COL28A1: variants seen among roughly 807,000 people sequenced by gnomAD.
The protein encoded by COL28A1 is collagen type XXVIII alpha 1 chain.
A neutral mutation model predicts 150.2 loss-of-function variants in COL28A1; 161 were observed. The ratio of observed to expected loss-of-function variants is 1.07; its 90% CI spans 0.94 to 1.22. The LOEUF (loss-of-function observed/expected upper bound fraction) is 1.22, where lower values mean the gene tolerates loss of function less well. Among genes scored for constraint, COL28A1 ranks in the 50% most tolerant of loss-of-function variants. The probability of loss-of-function intolerance (pLI) is 0.00; values close to 1 mark genes in which losing one functional copy is unlikely to be tolerated. For synonymous variants in COL28A1, 552 were observed against 469.7 expected (o/e 1.18, Z -2.26); for missense variants, 1,617 against 1,388.3 (o/e 1.16, Z -2.62).
rs1434797652 is a variant in COL28A1, at chr7:7,383,275, TG to T, written c.2137-1664del. On this transcript the variant is annotated intron_variant, in intron 27 of 34. Transcript: ENST00000399429. ...TTGTGTGTGTGTGTGTGTGTGTGTGTGTGTGTGTGTGTGTTTTTTTTGAGAC... is the reference window on the plus strand; with the variant it reads ...TTGTGTGTGTGTGTGTGTGTGTGTGTTGTGTGTGTGTGTTTTTTTTGAGAC... Among the ~76,000 whole-genome samples, 332 of 141,052 alleles carry T rather than the reference TG, an allele frequency of 2.4e-3. 2 individuals are homozygous for T. The highest frequency in any genetic ancestry group is 0.01 in the South Asian group (46 of 4,418). 92.5% of individuals were successfully genotyped at this position (141,052 alleles called of 152,430 possible). A position where few individuals can be genotyped will look rare whatever the true frequency, so the allele number is the denominator to read the frequency against.
At chr7:7,388,129 G>A (rs1046009348) in intron 27 of COL28A1, among the ~76,000 whole-genome samples, 4 of 151,718 alleles carry the variant, frequency 2.6e-5, no homozygotes, top group African/African-American at 4.8e-5. Context: ...CATCATCTAC[G>A]TTAGACATTT....
At chr7:7,496,477 G>A (rs962322046) in intron 11 of COL28A1, among the ~76,000 whole-genome samples, 2 of 152,138 alleles carry the variant, frequency 1.3e-5, no homozygotes, top group African/African-American at 4.8e-5. Context: ...AGGAGCAACT[G>A]TATATAAATT....
chr7:7,379,667 G>A (rs1208372941), intron 30 of COL28A1, among the ~76,000 whole-genome samples: 1 of 152,148 alleles, frequency 6.6e-6, no homozygotes. Context: ...ATGAATGAAT[G>A]AATAAATGAA....
At chr7:7,361,615 T>C (rs922604937) in intron 33 of COL28A1, among the ~76,000 whole-genome samples, 4 of 152,228 alleles carry the variant, frequency 2.6e-5, no homozygotes, top group African/African-American at 4.8e-5. Flanking sequence ...TTTTTTCATG[T>C]TTGTTGGCTG....
rs772285848 is a variant in COL28A1 at position 7,383,682 on chromosome 7, G to GTATATATATATATATA, written c.2137-2086_2137-2071dup. On this transcript the variant is annotated intron_variant, in intron 27 of 34. Transcript: ENST00000399429. ...ATTTGAAATTTGTGTGTGTGTGTGT[G>GTATATATATATATATA]TATATATATATATATATATATGTAT... is the stretch of plus-strand genomic sequence containing the variant. Among the ~76,000 whole-genome samples, 393 of 123,992 alleles carry GTATATATATATATATA rather than the reference G, an allele frequency of 3.2e-3. 2 individuals are homozygous for GTATATATATATATATA. Among genetic ancestry groups the GTATATATATATATATA allele is most frequent in the Admixed American group, 5.7e-3 (66 of 11,482 alleles). 81.3% of individuals were successfully genotyped at this position (123,992 alleles called of 152,430 possible).
At chr7:7,377,439 G>C (rs1036795001) in intron 30 of COL28A1, among the ~76,000 whole-genome samples, 1 of 152,106 alleles carries the variant, frequency 6.6e-6, no homozygotes, top group Non-Finnish European at 1.5e-5. Flanking sequence ...GAACCATCTC[G>C]ATCTGCTGGG....
chr7:7,345,024 C>T, the COL28A1 span, among the ~76,000 whole-genome samples: 2 of 151,734 alleles, frequency 1.3e-5, no homozygotes, highest in East Asian at 1.9e-4. Flanking sequence ...ACACACACAC[C>T]CCTTTCGCCT....
intron 21 of COL28A1, 122 bp downstream of exon 21, chr7:7,440,668 T>C: frequency 3.7e-6 from 2 of 535,168 alleles, no homozygotes; most frequent in Non-Finnish European, 6.9e-6. Flanking sequence ...TTTTGGGGTA[T>C]TTGTTTTGTA....
chr7:7,513,672 C>T (rs1405721707), intron 8 of COL28A1, among the ~76,000 whole-genome samples: 1 of 152,172 alleles, frequency 6.6e-6, no homozygotes, highest in Non-Finnish European at 1.5e-5. Flanking sequence ...AATGAGTCAA[C>T]CACCAAAATA....
intron 27 of COL28A1, among the ~76,000 whole-genome samples, chr7:7,401,689 CACTTTGGCAAT>C (rs1302148855): frequency 6.6e-5 from 10 of 152,128 alleles, no homozygotes; most frequent in Non-Finnish European, 1.2e-4. Context: ...CTCCTGCCTG[CACTTTGGCAAT>C]ACATTTCTAT....
intron 25 of COL28A1, among the ~76,000 whole-genome samples, chr7:7,431,844 C>G (rs28636895): frequency 0.052 from 7,862 of 152,060 alleles, 711 homozygotes; most frequent in African/African-American, 0.18. Flanking sequence ...AAAAAAGGAG[C>G]CAGAGTTGAG....
At chr7:7,535,639 T>C (rs1782600534) in intron 1 of COL28A1, 111 bp downstream of exon 1, 1 of 152,124 alleles carries the variant, frequency 6.6e-6, no homozygotes, top group Non-Finnish European at 1.5e-5. Flanking sequence ...ATACAAACTA[T>C]TGACAAGCTT....
In COL28A1 at chr7:7,380,846, C is replaced by G. The variant is rs17167102; in HGVS notation, c.2222G>C (p.Arg741Pro). ...LPGQKGEHGE[R>P]GDVGKKGDKG... ...ATCACCTTTCTTTCCCACATCGCCC[C>G]GTTCTCCGTGCTCTCCCTTTACACA... The change falls in exon 29 of 35, where the codon CGG becomes CCG. Residue 741 changes from arginine to proline, a missense_variant. Transcript: ENST00000399429. 6.2e-7 allele frequency: 1 copy of G among 1,613,616 alleles called. No homozygotes were observed. The highest frequency in any genetic ancestry group is 1.3e-5 in the African/African-American group (1 of 74,936).
At chr7:7,529,539 T>A (rs1322938117) in intron 3 of COL28A1, among the ~76,000 whole-genome samples, 1 of 152,090 alleles carries the variant, frequency 6.6e-6, no homozygotes, top group Non-Finnish European at 1.5e-5. Flanking sequence ...TATTCAGTCA[T>A]TTTCTGTTTG....
the COL28A1 span, among the ~76,000 whole-genome samples, chr7:7,543,125 T>A: frequency 6.6e-6 from 1 of 152,224 alleles, no homozygotes; most frequent in Non-Finnish European, 1.5e-5. Context: ...ATAAATTCTA[T>A]ATAGCAAACT....
chr7:7,368,480 C>T (rs1781056052), intron 33 of COL28A1, among the ~76,000 whole-genome samples: 1 of 151,950 alleles, frequency 6.6e-6, no homozygotes, highest in African/African-American at 2.4e-5. Flanking sequence ...AATGTCACCT[C>T]CTCTGTGATG....
chr7:7,418,366 G>A (rs1267705459), intron 26 of COL28A1, among the ~76,000 whole-genome samples: 1 of 152,200 alleles, frequency 6.6e-6, no homozygotes, highest in Non-Finnish European at 1.5e-5. Flanking sequence ...AGATCCAGTG[G>A]ATATCAATGT....
At chr7:7,510,486 TATTGGTC>T (rs1781069483) in intron 9 of COL28A1, among the ~76,000 whole-genome samples, 1 of 152,206 alleles carries the variant, frequency 6.6e-6, no homozygotes, top group Non-Finnish European at 1.5e-5. Flanking sequence ...TGTTTCACCG[TATTGGTC>T]AGGCTGGTCT....
At chr7:7,390,688 G>A (rs373705874) in intron 27 of COL28A1, among the ~76,000 whole-genome samples, 5 of 152,102 alleles carry the variant, frequency 3.3e-5, no homozygotes, top group Middle Eastern at 3.4e-3. Flanking sequence ...TGGTCTGTTC[G>A]AGGATTCAAC....
Sources: allele counts gnomAD v4.1 joint callset (sites outside exome capture counted in the v4.1 genomes callset), GRCh38; gene constraint gnomAD v4.1.1; transcripts MANE v1.5; gene names NCBI Gene and HGNC (gene_info 2026-07-23, HGNC 2026-07-21).